GRIFIN: variants seen among roughly 807,000 people sequenced by gnomAD.
GRIFIN encodes putative grifin.
GRIFIN carries 22 observed loss-of-function variants against 18.2 expected under a neutral mutation model. That is an observed-to-expected ratio of 1.21 (90% CI 0.86 to 1.73). The LOEUF is 1.73. Among genes scored for constraint, GRIFIN ranks in the 40% most tolerant of loss-of-function variants. The pLI, the probability that GRIFIN is intolerant of heterozygous loss-of-function variation, is 0.00. For synonymous variants in GRIFIN, 101 were observed against 82.8 expected (o/e 1.22, Z -1.19); for missense variants, 200 against 190.1 (o/e 1.05, Z -0.31).
In GRIFIN at chr7:2,476,012, GAC is replaced by G. The variant is rs1370871658; in HGVS notation, c.13-15_13-14del. 10 of 1,595,028 alleles carry G rather than the reference GAC, an allele frequency of 6.3e-6. No individual in the cohort carries two copies. The Admixed American group carries it at 1.5e-4, about 24-fold the overall frequency. On this transcript the variant is annotated splice_polypyrimidine_tract_variant and intron_variant, in intron 1 of 4. Coordinates refer to ENST00000614228, the MANE Select transcript of GRIFIN (RefSeq NM_001394787.1). ...AGAAGGCTTTAGACTGAGTGGAAGA[GAC>G]AGGGGGACCAGCCTCATGGGGCTGC... is the stretch of plus-strand genomic sequence containing the variant.
chr7:2,476,101 A>C, intron 1 of GRIFIN, 102 bp from the exon 2 acceptor site: 4 of 777,600 alleles, frequency 5.1e-6, no homozygotes, highest in African/African-American at 2.6e-5. Flanking sequence ...GTCCCTGCCC[A>C]CCCAGCCTGC....
chr7:2,474,816 A>G lies in GRIFIN; in HGVS notation c.*54T>C, dbSNP rs917114110. Reference sequence around the variant, plus strand: ...CCCAGCTGCCCCAGGGTGGGACTCCAGGTACCCTGGACATGGGACAAGCCG... The same window carrying G: ...CCCAGCTGCCCCAGGGTGGGACTCCGGGTACCCTGGACATGGGACAAGCCG... On this transcript the variant is annotated 3_prime_UTR_variant, in exon 5 of 5. Coordinates refer to ENST00000614228, the MANE Select transcript of GRIFIN (RefSeq NM_001394787.1). The G allele has an allele frequency of 2.8e-5, 13 of 470,214 alleles. No individual in the cohort carries two copies. Among genetic ancestry groups the G allele is most frequent in the Non-Finnish European group, 4.5e-5 (12 of 265,074 alleles). 29.1% of individuals were successfully genotyped at this position (470,214 alleles called of 1,614,324 possible). A position where few individuals can be genotyped will look rare whatever the true frequency, so the allele number is the denominator to read the frequency against.
At position 2,474,813 on chromosome 7, in the gene GRIFIN, T is replaced by A. The variant is rs992869095; in HGVS notation, c.*57A>T. 12 of 468,442 alleles carry A rather than the reference T, an allele frequency of 2.6e-5. No individual in the cohort carries two copies. Among genetic ancestry groups the A allele is most frequent in the African/African-American group, 2.1e-4 (11 of 51,662 alleles). 29.0% of individuals were successfully genotyped at this position (468,442 alleles called of 1,614,324 possible). On this transcript the variant is annotated 3_prime_UTR_variant, in exon 5 of 5. Coordinates refer to ENST00000614228, the MANE Select transcript of GRIFIN (RefSeq NM_001394787.1). ...TCACCCAGCTGCCCCAGGGTGGGAC[T>A]CCAGGTACCCTGGACATGGGACAAG...
intron 1 of GRIFIN, 89 bp downstream of exon 1, chr7:2,476,283 C>T: frequency 7.0e-7 from 1 of 1,428,256 alleles, no homozygotes; most frequent in Non-Finnish European, 9.5e-7. Context: ...AGAGCCCATA[C>T]CCCATCTCTG....
intron 3 of GRIFIN, 60 bp downstream of exon 3, chr7:2,475,608 GC>G (rs1355457862): frequency 2.8e-6 from 4 of 1,428,936 alleles, no homozygotes; most frequent in African/African-American, 2.9e-5. Context: ...CTGCCCACTG[GC>G]CCCCTGTTCC....
intron 1 of GRIFIN, 97 bp downstream of exon 1, chr7:2,476,275 A>G: frequency 7.2e-7 from 1 of 1,397,888 alleles, no homozygotes; most frequent in East Asian, 2.5e-5. Context: ...GAGAGGCCAG[A>G]GCCCATACCC....
Position 2,475,152 on chromosome 7 carries a change from G to T in GRIFIN, c.408C>A (p.Gly136=), listed in dbSNP as rs779697802. 3 of 1,584,222 alleles carry T rather than the reference G, an allele frequency of 1.9e-6. No homozygotes were observed. The highest frequency in any genetic ancestry group is 1.7e-5 in the Admixed American group (1 of 58,124). ...GGCAGGGACTTTACCCCCAGCTCAGGCCCCTCTTGGCCAGCTCCACCTGGG... is the reference window on the plus strand; with the variant it reads ...GGCAGGGACTTTACCCCCAGCTCAGTCCCCTCTTGGCCAGCTCCACCTGGG... ...CLAQVELAKR[G]LSWGDRGY The change falls in exon 4 of 5, where the codon GGC becomes GGA. Residue 136 remains glycine (G), a synonymous_variant. Transcript: ENST00000614228.
At position 2,475,735 on chromosome 7, in the gene GRIFIN, C is replaced by G. The variant is rs541149447; in HGVS notation, c.186G>C (p.Gln62His). The G allele has an allele frequency of 2.5e-5, 39 of 1,562,760 alleles. No homozygotes were observed. The highest frequency in any genetic ancestry group is 3.6e-5 in the Admixed American group (2 of 55,746). The change falls in exon 3 of 5, where the codon CAG becomes CAC. Residue 62 changes from glutamine to histidine, a missense_variant. Physicochemically the swap from Gln to His is conservative, Grantham distance 24. Coordinates refer to ENST00000614228, the MANE Select transcript of GRIFIN (RefSeq NM_001394787.1). ...SSATVVGNAF[Q>H]YGRWGPEQVS... ...CCTGCTCCGGGCCCCAGCGGCCGTA[C>G]TGGAAGGCATTGCCCACCACAGTGG...
In GRIFIN at chr7:2,476,001, T is replaced by C. The variant is rs1398471034; in HGVS notation, c.13-2A>G. The C allele has an allele frequency of 6.3e-7, 1 of 1,596,752 alleles. No individual in the cohort carries two copies. The highest frequency in any genetic ancestry group is 8.5e-7 in the Non-Finnish European group (1 of 1,179,026). ...GCCGCCCGCACAGAAGGCTTTAGAC[T>C]GAGTGGAAGAGACAGGGGGACCAGC... On this transcript the variant is annotated splice_acceptor_variant, in intron 1 of 4. Transcript: ENST00000614228. LOFTEE classifies it high-confidence loss of function.
intron 3 of GRIFIN, 140 bp downstream of exon 3, chr7:2,475,529 A>C: frequency 8.6e-7 from 1 of 1,159,272 alleles, no homozygotes; most frequent in Admixed American, 4.0e-5. Context: ...ACGTAGGGAA[A>C]CTGAGGCCAG....
intron 3 of GRIFIN, 156 bp from the exon 4 acceptor site, chr7:2,475,463 C>T (rs965972649): frequency 1.7e-6 from 2 of 1,211,052 alleles, no homozygotes; most frequent in African/African-American, 3.1e-5. Context: ...CCAAAGTCCC[C>T]TCCTTTCTCC....
In GRIFIN at chr7:2,476,002, G is replaced by A; in HGVS notation, c.13-3C>T. On this transcript the variant is annotated splice_region_variant and splice_polypyrimidine_tract_variant and intron_variant, in intron 1 of 4. Transcript: ENST00000614228. ...CCGCCCGCACAGAAGGCTTTAGACT[G>A]AGTGGAAGAGACAGGGGGACCAGCC... 1 of 1,596,962 alleles carries A rather than the reference G, an allele frequency of 6.3e-7. No homozygotes were observed. Among genetic ancestry groups the A allele is most frequent in the Non-Finnish European group, 8.5e-7 (1 of 1,179,212 alleles).
chr7:2,476,078 T>G, intron 1 of GRIFIN, 79 bp from the exon 2 acceptor site: 5 of 887,948 alleles, frequency 5.6e-6, no homozygotes, highest in Non-Finnish European at 7.9e-6. Context: ...CCCTATCCCA[T>G]CTGTCCAGGA....
intron 4 of GRIFIN, 127 bp downstream of exon 4, chr7:2,475,014 G>T: frequency 8.8e-7 from 1 of 1,138,234 alleles, no homozygotes; most frequent in Non-Finnish European, 1.2e-6. Context: ...AGGGTGGGAC[G>T]CCAGGCAGAC....
intron 1 of GRIFIN, 78 bp downstream of exon 1, chr7:2,476,294 T>G: frequency 6.8e-7 from 1 of 1,473,732 alleles, no homozygotes; most frequent in Non-Finnish European, 9.2e-7. Context: ...CCCATCTCTG[T>G]GCAGAGAGAG....
intron 3 of GRIFIN, 41 bp downstream of exon 3, chr7:2,475,628 C>A: frequency 6.9e-7 from 1 of 1,443,688 alleles, no homozygotes; most frequent in Non-Finnish European, 9.1e-7. Flanking sequence ...CCCCCACGGG[C>A]CTTCCCTGCC....
rs1397353742 is a variant in GRIFIN, at chr7:2,475,804, C to T, written c.117G>A (p.Glu39=). 2.5e-6 allele frequency: 4 copies of T among 1,573,170 alleles called. No individual in the cohort carries two copies. The African/African-American group carries it at 4.0e-5, about 16-fold the overall frequency. Residue 39 remains glutamate, a synonymous_variant, in exon 3 of 5, where the codon GAG becomes GAA. Transcript: ENST00000614228. ...EDRFETNFLL[E]TGDIAFHIKP... ...TGATGTGGAAGGCAATGTCCCCCGT[C>T]TCCAACAAGAAGTTAGTCTCGAACC...
chr7:2,475,153 C>T lies in GRIFIN; in HGVS notation c.407G>A (p.Gly136Asp), dbSNP rs61742185. 0.034 allele frequency: 53,624 copies of T among 1,583,968 alleles called. 1,183 individuals carry two copies. The highest frequency in any genetic ancestry group is 0.038 in the Non-Finnish European group (44,508 of 1,173,146). Residue 136 changes from glycine to aspartate, a missense_variant, in exon 4 of 5, where the codon GGC becomes GAC. Transcript: ENST00000614228. ...CLAQVELAKR[G>D]LSWGDRGY ...GCAGGGACTTTACCCCCAGCTCAGG[C>T]CCCTCTTGGCCAGCTCCACCTGGGC...
intron 1 of GRIFIN, 143 bp downstream of exon 1, chr7:2,476,229 C>G (rs1052567467): frequency 9.1e-7 from 1 of 1,096,928 alleles, no homozygotes; most frequent in African/African-American, 1.6e-5. Context: ...CTGGGGGGAC[C>G]TTCACCCTGA....
Sources: allele counts gnomAD v4.1 joint callset, GRCh38; gene constraint gnomAD v4.1.1; transcripts MANE v1.5; gene names NCBI Gene and HGNC (gene_info 2026-07-23, HGNC 2026-07-21).